Variants in TTLL5 observed in about 807,000 individuals in gnomAD.
TTLL5 encodes the protein tubulin polyglutamylase TTLL5.
In TTLL5, 132 loss-of-function variants were observed where a neutral mutation model predicts 168.4. The observed-to-expected ratio is 0.78, with a 90% CI of 0.68 to 0.91. The LOEUF is 0.91. Ranked by LOEUF, TTLL5 falls within the 40% of genes least tolerant of loss-of-function variation. TTLL5 has a pLI of 0.00. For synonymous variants in TTLL5, 546 were observed against 558.6 expected, an observed-to-expected ratio of 0.98 and a Z score of 0.32; for missense variants, 1,545 against 1,581.5, an observed-to-expected ratio of 0.98 and a Z score of 0.39.
rs184445859 is a variant in TTLL5 at position 75,923,902 on chromosome 14, C to A, written c.3823+21678C>A. 2.1e-4 allele frequency among the ~76,000 whole-genome samples: 32 copies of A among 152,280 alleles called. No individual in the cohort carries two copies. In the East Asian group the frequency reaches 5.4e-3, roughly 26 times the overall value. The stretch of plus-strand genomic sequence containing the variant: ...AATCTGGGTCCTCCTATATTGGGTG[C>A]ATATATATTTAGGATAGTTAGCTCT... On this transcript the variant is annotated intron_variant, in intron 31 of 31. Coordinates refer to ENST00000298832, the MANE Select transcript of TTLL5 (RefSeq NM_015072.5).
At chr14:75,661,438 G>C (rs973537524) in intron 1 of TTLL5, 51 bp downstream of exon 1, 2 of 152,328 alleles carry the variant, frequency 1.3e-5, no homozygotes, top group African/African-American at 4.8e-5. Flanking sequence ...AGCATTCCCG[G>C]GTCCGGGCTG....
chr14:75,908,371 C>T (rs1439387804), intron 31 of TTLL5, among the ~76,000 whole-genome samples: 1 of 70,288 alleles, frequency 1.4e-5, no homozygotes, highest in East Asian at 3.0e-4. Flanking sequence ...GGAGGCAGAA[C>T]CCCACAGGCC....
At chr14:75,853,512 C>T (rs980436993) in intron 28 of TTLL5, among the ~76,000 whole-genome samples, 1 of 152,228 alleles carries the variant, frequency 6.6e-6, no homozygotes, top group South Asian at 2.1e-4. Flanking sequence ...GAACAGTGTC[C>T]AATAAATGTG....
chr14:75,732,097 C>A, intron 12 of TTLL5: 1 of 342,320 alleles, frequency 2.9e-6, no homozygotes, highest in Non-Finnish European at 5.3e-6. Context: ...TTAGGAACAT[C>A]AATAGACACT....
Position 75,727,857 on chromosome 14 carries a change from G to A in TTLL5, c.1043-4481G>A, listed in dbSNP as rs770350557. The A allele has an allele frequency of 1.6e-5, 8 of 501,260 alleles. No homozygotes were observed. The East Asian group carries it at 3.9e-4, about 25-fold the overall frequency. The allele number at this position is 501,260 out of a possible 1,614,324, so 31.1% of individuals were successfully genotyped here. A position where few individuals can be genotyped will look rare whatever the true frequency, so the allele number is the denominator to read the frequency against. ...AATAAGACTAGTCGTTGTCAGGGAT[G>A]GGGGAAAGGGCAGGATACTTACTAG... On this transcript the variant is annotated intron_variant, in intron 12 of 31. Coordinates refer to ENST00000298832, the MANE Select transcript of TTLL5 (RefSeq NM_015072.5).
intron 28 of TTLL5, among the ~76,000 whole-genome samples, chr14:75,826,430 G>GT (rs989112590): frequency 2.0e-5 from 3 of 150,760 alleles, no homozygotes; most frequent in Admixed American, 6.6e-5. Context: ...TTATGTGTGT[G>GT]TTTTTTTAAC....
intron 31 of TTLL5, among the ~76,000 whole-genome samples, chr14:75,934,255 A>C (rs973307216): frequency 2.6e-5 from 4 of 152,220 alleles, no homozygotes; most frequent in Non-Finnish European, 4.4e-5. Flanking sequence ...ACATAAGGGT[A>C]TGCCTTCCAG....
At chr14:75,703,678 C>T (rs1389700194) in intron 7 of TTLL5, among the ~76,000 whole-genome samples, 2 of 152,194 alleles carry the variant, frequency 1.3e-5, no homozygotes, top group Non-Finnish European at 2.9e-5. Context: ...TTGATACATT[C>T]TCTGAGACTT....
In TTLL5 at chr14:75,745,147, C is replaced by T. The variant is rs1889527883; in HGVS notation, c.1334C>T (p.Ser445Leu). The change falls in exon 16 of 32, where the codon TCA becomes TTA. Residue 445 changes from serine (S) to leucine (L), a missense_variant. By Grantham distance (145) the Ser-to-Leu change is moderately radical. Coordinates refer to ENST00000298832, the MANE Select transcript of TTLL5 (RefSeq NM_015072.5). ...SDAEMKNLVGSAREKGPGKLG... is the reference protein window; with the variant it reads ...SDAEMKNLVGLAREKGPGKLG... ...GCGGAAATGAAAAACCTCGTGGGCT[C>T]AGCCCGGGAGAAAGGGCCAGGGAAG... 1 of 1,613,832 alleles carries T rather than the reference C, an allele frequency of 6.2e-7. No homozygotes were observed. Among genetic ancestry groups the T allele is most frequent in the Admixed American group, 1.7e-5 (1 of 59,990 alleles).
At chr14:75,910,442 C>G (rs1300850977) in intron 31 of TTLL5, among the ~76,000 whole-genome samples, 1 of 152,212 alleles carries the variant, frequency 6.6e-6, no homozygotes, top group Admixed American at 6.5e-5. Context: ...CAGCATAAGG[C>G]TGCCCTTCTT....
At chr14:75,870,552 T>A (rs757085501) in intron 29 of TTLL5, among the ~76,000 whole-genome samples, 5 of 152,198 alleles carry the variant, frequency 3.3e-5, no homozygotes, top group Non-Finnish European at 7.3e-5. Flanking sequence ...TCCTGACGTT[T>A]GTTCTAGAGG....
chr14:75,882,096 G>A (rs1199851331), intron 29 of TTLL5, among the ~76,000 whole-genome samples: 1 of 152,134 alleles, frequency 6.6e-6, no homozygotes, highest in Admixed American at 6.5e-5. Flanking sequence ...GGTCAACAAA[G>A]TGTTTCTAGC....
rs751439234 is a variant in TTLL5, at chr14:75,707,609, CT to C, written c.656-3del. On this transcript the variant is annotated splice_polypyrimidine_tract_variant and intron_variant, in intron 8 of 31. Coordinates refer to ENST00000298832, the MANE Select transcript of TTLL5 (RefSeq NM_015072.5). ...CTTAGTTTTTTTTTGTGAATACAAA[CT>C]TTTTTTTTTTAGATTTCAAGTTTGA... The C allele has an allele frequency of 0.041, 39,158 of 948,020 alleles. 14 individuals carry two copies. Among genetic ancestry groups the C allele is most frequent in the South Asian group, 0.064 (3,185 of 49,928 alleles). The allele number at this position is 948,020 out of a possible 1,614,324, so 58.7% of individuals were successfully genotyped here.
chr14:75,922,380 G>A (rs961307694), intron 31 of TTLL5, among the ~76,000 whole-genome samples: 1 of 152,108 alleles, frequency 6.6e-6, no homozygotes, highest in Non-Finnish European at 1.5e-5. Flanking sequence ...GTCATAAATA[G>A]CTCTTATTAT....
intron 9 of TTLL5, among the ~76,000 whole-genome samples, chr14:75,715,239 A>G (rs1459003347): frequency 7.0e-6 from 1 of 141,916 alleles, no homozygotes; most frequent in Non-Finnish European, 1.5e-5. Context: ...CTTCTGGCTG[A>G]CTTCCCACCC....
At chr14:75,673,180 C>T (rs1475737539) in intron 3 of TTLL5, among the ~76,000 whole-genome samples, 6 of 152,084 alleles carry the variant, frequency 3.9e-5, no homozygotes, top group African/African-American at 1.4e-4. Context: ...AACTCCTGGC[C>T]TCAAGCAGTC....
rs945059875 is a variant in TTLL5, at chr14:75,906,531, G to A, written c.3823+4307G>A. On this transcript the variant is annotated intron_variant, in intron 31 of 31. Coordinates refer to ENST00000298832, the MANE Select transcript of TTLL5 (RefSeq NM_015072.5). ...CCAAAATCAAATGTAGTGTTAAGTA[G>A]AGATACTTTTTTCCATTTTTCAGGA... is the stretch of plus-strand genomic sequence containing the variant. 3.0e-6 allele frequency: 3 copies of A among 985,676 alleles called. No homozygotes were observed. The African/African-American group carries it at 5.2e-5, about 17-fold the overall frequency. 61.1% of individuals were successfully genotyped at this position (985,676 alleles called of 1,614,324 possible). A position where few individuals can be genotyped will look rare whatever the true frequency, so the allele number is the denominator to read the frequency against.
At chr14:75,743,529 T>A (rs1003041145) in intron 15 of TTLL5, among the ~76,000 whole-genome samples, 16 of 148,140 alleles carry the variant, frequency 1.1e-4, no homozygotes, top group Non-Finnish European at 1.8e-4. Context: ...ACATACTAGC[T>A]GGGGTCTGGG....
chr14:75,743,030 G>A (rs533966039), intron 15 of TTLL5, among the ~76,000 whole-genome samples: 15 of 152,284 alleles, frequency 9.9e-5, no homozygotes, highest in Admixed American at 6.5e-4. Flanking sequence ...TTCTAGCCAT[G>A]ATTGATGTCA....
Sources: allele counts gnomAD v4.1 joint callset (sites outside exome capture counted in the v4.1 genomes callset), GRCh38; gene constraint gnomAD v4.1.1; transcripts MANE v1.5; gene names NCBI Gene and HGNC (gene_info 2026-07-23, HGNC 2026-07-21).